Variants in UGGT1 observed in about 807,000 individuals in gnomAD.
UGGT1 encodes the protein UDP-glucose glycoprotein glucosyltransferase 1, also known as UDP-glucose:glycoprotein glucosyltransferase 1.
In UGGT1, 107 loss-of-function variants were observed where a neutral mutation model predicts 203.9. The observed-to-expected ratio is 0.52, with a 90% CI of 0.45 to 0.62. UGGT1 has a LOEUF of 0.62. UGGT1 is among the 20% of genes least tolerant of loss of function. UGGT1 has a pLI of 0.00. For synonymous variants in UGGT1, 628 were observed against 653.5 expected (o/e 0.96, Z 0.59); for missense variants, 1,673 against 1,867.2 (o/e 0.90, Z 1.92).
chr2:128,114,453 G>C (rs572179404), intron 6 of UGGT1, among the ~76,000 whole-genome samples: 1 of 152,122 alleles, frequency 6.6e-6, no homozygotes. Context: ...CAAGCAGAAA[G>C]TTTTATTGAA....
intron 33 of UGGT1, 142 bp downstream of exon 33, chr2:128,178,062 C>A: frequency 1.4e-6 from 1 of 696,996 alleles, no homozygotes; most frequent in Non-Finnish European, 2.3e-6. Context: ...TTATATTTGG[C>A]ATAGATGAGT....
At chr2:128,179,948 C>A in intron 35 of UGGT1, 78 bp downstream of exon 35, 1 of 1,389,904 alleles carries the variant, frequency 7.2e-7, no homozygotes. Context: ...TTTGTTTTAT[C>A]TGTATACTTT....
At chr2:128,172,892 A>T (rs950786763) in intron 29 of UGGT1, 130 bp downstream of exon 29, 10 of 828,338 alleles carry the variant, frequency 1.2e-5, no homozygotes, top group Non-Finnish European at 1.8e-5. Context: ...CTTTATTCAC[A>T]TGGAACTCAT....
chr2:128,151,854 A>G (rs12475200), intron 18 of UGGT1, among the ~76,000 whole-genome samples: 87,256 of 151,986 alleles, frequency 0.57, 25,248 homozygotes, highest in East Asian at 0.66. Flanking sequence ...TCCAGCCTGG[A>G]TGAAAGAGCA....
At chr2:128,106,158 C>T (rs951354647) in intron 3 of UGGT1, among the ~76,000 whole-genome samples, 6 of 132,576 alleles carry the variant, frequency 4.5e-5, no homozygotes, top group African/African-American at 1.7e-4. Context: ...ATATTTTAAA[C>T]AAGCATCTGT....
intron 18 of UGGT1, among the ~76,000 whole-genome samples, chr2:128,151,516 A>G (rs562291060): frequency 9.8e-5 from 15 of 152,316 alleles, no homozygotes; most frequent in African/African-American, 3.6e-4. Context: ...TTTGATTTGT[A>G]TGATTGGTTC....
At chr2:128,164,625 A>T (rs1024787510) in intron 25 of UGGT1, 105 bp from the exon 26 acceptor site, 1 of 926,290 alleles carries the variant, frequency 1.1e-6, no homozygotes, top group African/African-American at 1.6e-5. Context: ...ACCTTGTTCA[A>T]ACCATCTTGT....
intron 38 of UGGT1, 138 bp from the exon 39 acceptor site, chr2:128,186,545 T>G: frequency 1.9e-6 from 1 of 530,890 alleles, no homozygotes; most frequent in East Asian, 3.6e-5. Flanking sequence ...AGGTGGAGGC[T>G]GCAGTGAGCC....
intron 2 of UGGT1, among the ~76,000 whole-genome samples, chr2:128,098,058 C>T (rs908758327): frequency 2.0e-5 from 3 of 152,202 alleles, no homozygotes; most frequent in South Asian, 2.1e-4. Context: ...GAAGGGGTTT[C>T]GCCATGTTGG....
intron 8 of UGGT1, 47 bp downstream of exon 8, chr2:128,116,390 GC>G: frequency 3.3e-6 from 4 of 1,228,108 alleles, no homozygotes; most frequent in Non-Finnish European, 4.8e-6. Flanking sequence ...TTTTCTTTAA[GC>G]CTCCAGGCTT....
rs752960901 is a variant in UGGT1, at chr2:128,133,210, C to G, written c.1447C>G (p.Pro483Ala). Reference protein sequence around the residue: ...WPSSLQELLRPTFPGVIRQIR... With the variant: ...WPSSLQELLRATFPGVIRQIR... ...TTCTAGTTTACAAGAGTTGCTTCGA[C>G]CCACCTTTCCTGGTGTTATTCGGCA... Residue 483 changes from proline to alanine, a missense_variant, in exon 14 of 41, where the codon CCC (proline) becomes GCC (alanine). Around this residue, in one of 4 missense-constraint regions of UGGT1, gnomAD observed 1,073 missense variants for 1,078.7 expected, o/e 0.99. Transcript: ENST00000259253. 2.4e-5 allele frequency: 38 copies of G among 1,613,950 alleles called. No homozygotes were observed. The highest frequency in any genetic ancestry group is 1.2e-4 in the African/African-American group (9 of 74,920).
Position 128,190,415 on chromosome 2 carries a change from T to C in UGGT1, c.*673T>C, listed in dbSNP as rs1692201788. The C allele has an allele frequency of 6.6e-6, 1 of 152,142 alleles. No homozygotes were observed. The allele number at this position is 152,142 out of a possible 1,614,324, so 9.4% of individuals were successfully genotyped here. On this transcript the variant is annotated 3_prime_UTR_variant, in exon 41 of 41. Transcript: ENST00000259253. ...GTCAGGAGTAGGAAGGTTCGGGGGT[T>C]AAGGGAAGGGAAGGAAGACCAGAAC...
intron 8 of UGGT1, among the ~76,000 whole-genome samples, chr2:128,119,327 C>G (rs1426752292): frequency 6.6e-6 from 1 of 151,958 alleles, no homozygotes; most frequent in African/African-American, 2.4e-5. Flanking sequence ...CGCGGTAGCT[C>G]ACGCCTGTAA....
chr2:128,175,234 C>G (rs1341184657), intron 31 of UGGT1, among the ~76,000 whole-genome samples: 3 of 152,172 alleles, frequency 2.0e-5, no homozygotes, highest in African/African-American at 7.2e-5. Context: ...TGTGTTGACC[C>G]TGAGTGATTT....
At chr2:128,120,914 G>A (rs1235376565) in intron 9 of UGGT1, among the ~76,000 whole-genome samples, 1 of 152,112 alleles carries the variant, frequency 6.6e-6, no homozygotes, top group Non-Finnish European at 1.5e-5. Context: ...TTAGAAAAGG[G>A]AAAAGGACTT....
chr2:128,116,439 G>T, intron 8 of UGGT1, 96 bp downstream of exon 8: 1 of 776,390 alleles, frequency 1.3e-6, no homozygotes. Flanking sequence ...ATTACTGTCT[G>T]AGTTTCTCAT....
intron 1 of UGGT1, among the ~76,000 whole-genome samples, chr2:128,095,542 C>G (rs1463770786): frequency 6.6e-6 from 1 of 151,846 alleles, no homozygotes; most frequent in African/African-American, 2.4e-5. Flanking sequence ...CGTAACTCCT[C>G]CTGTCCCGCT....
At chr2:128,167,647 T>A (rs2104768277) in intron 26 of UGGT1, among the ~76,000 whole-genome samples, 1 of 152,330 alleles carries the variant, frequency 6.6e-6, no homozygotes, top group African/African-American at 2.4e-5. Context: ...CATAGGCAAA[T>A]GTGTATAATC....
intron 3 of UGGT1, among the ~76,000 whole-genome samples, chr2:128,104,710 G>A (rs548560133): frequency 2.6e-5 from 4 of 152,098 alleles, no homozygotes; most frequent in South Asian, 2.1e-4. Context: ...GCAGTGGTAC[G>A]ATCTGGGCTC....
Sources: gnomAD v4.1 joint callset for allele counts (sites outside exome capture counted in the v4.1 genomes callset) on GRCh38, gnomAD v4.1.1 for gene constraint, gnomAD v4.1.1 regional missense constraint, MANE v1.5 for transcripts, NCBI Gene and HGNC (gene_info 2026-07-23, HGNC 2026-07-21) for gene names.